Variants in EBF4 observed in about 807,000 individuals in gnomAD.
EBF4 encodes the protein transcription factor COE4.
Under a neutral mutation model 67.1 loss-of-function variants are expected in EBF4, and 34 were observed. The observed-to-expected ratio is 0.51, with a 90% CI of 0.39 to 0.67. The LOEUF (loss-of-function observed/expected upper bound fraction) is 0.67, where lower values mean the gene tolerates loss of function less well. Among genes scored for constraint, EBF4 ranks in the 30% least tolerant of loss-of-function variants. The probability of loss-of-function intolerance (pLI) is 0.00; values close to 1 mark genes in which losing one functional copy is unlikely to be tolerated. For synonymous variants in EBF4, 387 were observed against 377.7 expected (o/e 1.02, Z -0.29); for missense variants, 837 against 873.3 (o/e 0.96, Z 0.52).
At position 2,745,101 on chromosome 20, in the gene EBF4, G is replaced by A. The variant is rs546536287; in HGVS notation, c.558-3448G>A. Among the ~76,000 whole-genome samples, 55 of 152,302 alleles carry A rather than the reference G, an allele frequency of 3.6e-4. No individual in the cohort carries two copies. Among genetic ancestry groups the A allele is most frequent in the African/African-American group, 1.1e-3 (47 of 41,548 alleles). ...AGTGCGGTAGTTCTCAAACTTCAGG[G>A]TGAACCAGCATCACCTGGAGGGCGT... On this transcript the variant is annotated intron_variant, in intron 6 of 16. Transcript: ENST00000609451. The surrounding 1 kb of genome is among the most constrained non-coding windows in gnomAD (Gnocchi z 5.2).
At chr20:2,705,785 CCACACACACACACACACACACACA>C (rs71193988) in intron 2 of EBF4, 52 bp downstream of exon 2, 196 of 752,186 alleles carry the variant, frequency 2.6e-4, no homozygotes, top group African/African-American at 2.3e-3. Context: ...GAACCCCCAA[CCACACACACACACACACACACACA>C]CACACACACA....
At chr20:2,749,376 A>G (rs1373948008) in intron 7 of EBF4, 25 bp from the exon 8 acceptor site, 3 of 1,504,538 alleles carry the variant, frequency 2.0e-6, no homozygotes, top group Non-Finnish European at 2.7e-6. Flanking sequence ...GGCCCCAGCC[A>G]GGCTGGCCTC....
intron 14 of EBF4, chr20:2,754,979 C>CCCCCCCG (rs1555789843): frequency 8.1e-6 from 1 of 123,988 alleles, no homozygotes; most frequent in Admixed American, 8.1e-5. Flanking sequence ...CACCCCCCCC[C>CCCCCCCG]ACAGGGCCCA....
chr20:2,746,391 G>A (rs2088051040), intron 6 of EBF4, among the ~76,000 whole-genome samples: 1 of 152,038 alleles, frequency 6.6e-6, no homozygotes. Flanking sequence ...ACACTGTAGG[G>A]GTGCACCATT....
At chr20:2,741,831 A>G (rs1021420811) in intron 6 of EBF4, among the ~76,000 whole-genome samples, 6 of 152,212 alleles carry the variant, frequency 3.9e-5, no homozygotes, top group Admixed American at 1.3e-4. Flanking sequence ...TACAGGCAGA[A>G]TGGAATAATG....
At chr20:2,715,536 A>G (rs1053122598) in intron 6 of EBF4, among the ~76,000 whole-genome samples, 2 of 152,160 alleles carry the variant, frequency 1.3e-5, no homozygotes, top group African/African-American at 4.8e-5. Context: ...TAACAAGTTG[A>G]TGTCAACTGT....
chr20:2,757,992 A>G (rs2088271568), intron 15 of EBF4, among the ~76,000 whole-genome samples: 1 of 152,216 alleles, frequency 6.6e-6, no homozygotes, highest in South Asian at 2.1e-4. Flanking sequence ...ATACAAATAT[A>G]TGCCAAAGAT....
At chr20:2,693,236 C>T (rs2087235605), upstream of EBF4, 1 of 154,870 alleles carries the variant, frequency 6.5e-6, no homozygotes, top group African/African-American at 2.4e-5. This position sits in a 1 kb window ranked among gnomAD's most constrained non-coding sequence, Gnocchi z 4.6. Context: ...GGCCCCGCGC[C>T]CCCGCCTTGC....
chr20:2,703,595 T>G (rs757955366), intron 1 of EBF4, among the ~76,000 whole-genome samples: 2 of 151,662 alleles, frequency 1.3e-5, no homozygotes, highest in African/African-American at 4.8e-5. Context: ...AGTTAGTAGG[T>G]CGAAGCTGCA....
At chr20:2,741,563 G>A (rs753090266) in intron 6 of EBF4, among the ~76,000 whole-genome samples, 7 of 152,154 alleles carry the variant, frequency 4.6e-5, no homozygotes, top group Non-Finnish European at 8.8e-5. Flanking sequence ...TGGACAAGAC[G>A]TTTCTTTTCA....
rs566259828 is a variant in EBF4 at position 2,755,657 on chromosome 20, C to G, written c.1571C>G (p.Ala524Gly). 1.5e-4 allele frequency: 213 copies of G among 1,449,406 alleles called. No homozygotes were observed. In the East Asian group the frequency reaches 6.3e-3, roughly 43 times the overall value. 89.8% of individuals were successfully genotyped at this position (1,449,406 alleles called of 1,614,324 possible). ...CCCTCTAGCCCCCCGCTGGCGGCTGCCTCCTCCATGTCCCTCCCGGCCGCT... is the reference window on the plus strand; with the variant it reads ...CCCTCTAGCCCCCCGCTGGCGGCTGGCTCCTCCATGTCCCTCCCGGCCGCT... The change falls in exon 15 of 17, where the codon GCC (alanine) becomes GGC (glycine). Residue 524 changes from alanine to glycine, a missense_variant. Physicochemically the swap from Ala to Gly is moderately conservative, Grantham distance 60. Around this residue, in one of 3 missense-constraint regions of EBF4, gnomAD observed 525 missense variants for 496.5 expected, o/e 1.06. Coordinates refer to ENST00000609451, the Ensembl canonical transcript of EBF4. This position sits in a 1 kb window ranked among gnomAD's most constrained non-coding sequence, Gnocchi z 4.7.
At chr20:2,710,960 G>A (rs142252098) in intron 6 of EBF4, among the ~76,000 whole-genome samples, 16 of 152,000 alleles carry the variant, frequency 1.1e-4, no homozygotes, top group African/African-American at 3.6e-4. Context: ...TGGCCAACAG[G>A]GTAAAATCCC....
chr20:2,755,749 G>A lies in EBF4; in HGVS notation c.1663G>A (p.Ala555Thr), dbSNP rs369331115. The A allele has an allele frequency of 2.6e-6, 4 of 1,550,740 alleles. No individual in the cohort carries two copies. Among genetic ancestry groups the A allele is most frequent in the South Asian group, 1.2e-5 (1 of 84,056 alleles). The change falls in exon 15 of 17, where the codon GCC (alanine) becomes ACC (threonine). Residue 555 changes from alanine (A) to threonine (T), a missense_variant. Physicochemically the swap from Ala to Thr is moderately conservative, Grantham distance 58. Transcript: ENST00000609451. The surrounding 1 kb of genome is among the most constrained non-coding windows in gnomAD (Gnocchi z 4.7). The stretch of plus-strand genomic sequence containing the variant: ...GATCTCCGCCGTCAAACAGAGGAGC[G>A]CCTTCGCCCCCGTGCTGCGCCCCCC...
intron 6 of EBF4, among the ~76,000 whole-genome samples, chr20:2,717,160 G>A (rs1277822346): frequency 1.3e-5 from 2 of 151,852 alleles, no homozygotes; most frequent in Non-Finnish European, 2.9e-5. Flanking sequence ...TTTCAATAAC[G>A]GCCACAAATA....
rs188273099 is a variant in EBF4, at chr20:2,739,162, G to A, written c.558-9387G>A. Among the ~76,000 whole-genome samples the A allele has an allele frequency of 2.7e-4, 41 of 152,258 alleles. No individual in the cohort carries two copies. Among genetic ancestry groups the A allele is most frequent in the Admixed American group, 2.4e-3 (36 of 15,304 alleles). ...TCCCTTCTCTAGCGTAGGCCCTTTG[G>A]TGCCTGTTTCTGCCTGAAGGGAGAC... On this transcript the variant is annotated intron_variant, in intron 6 of 16. Transcript: ENST00000609451. The surrounding 1 kb of genome is among the most constrained non-coding windows in gnomAD (Gnocchi z 4.5).
intron 6 of EBF4, among the ~76,000 whole-genome samples, chr20:2,713,588 C>T (rs553888359): frequency 1.3e-5 from 2 of 152,134 alleles, no homozygotes; most frequent in South Asian, 4.1e-4. Context: ...TGCACAGGTG[C>T]AGGTGCAGAA....
intron 7 of EBF4, among the ~76,000 whole-genome samples, 193 bp from the exon 8 acceptor site, chr20:2,749,208 T>TG (rs1272539849): frequency 5.9e-5 from 9 of 152,176 alleles, no homozygotes; most frequent in African/African-American, 2.2e-4. Context: ...TCAGTTCATC[T>TG]GGGGGTATCA....
exon 14 of EBF4, chr20:2,752,430 C>T (rs183266304): frequency 3.1e-6 from 4 of 1,298,228 alleles, no homozygotes; most frequent in East Asian, 3.1e-5. Context: ...AGAGCGGCTA[C>T]GGCGGCGGCC....
chr20:2,693,524 C>G, upstream of EBF4: 1 of 1,213,752 alleles, frequency 8.2e-7, no homozygotes, highest in Non-Finnish European at 1.0e-6. The surrounding 1 kb of genome is among the most constrained non-coding windows in gnomAD (Gnocchi z 4.6). Flanking sequence ...ACTGAGCCAC[C>G]CGGACTCGGC....
Sources: gnomAD v4.1 joint callset for allele counts (sites outside exome capture counted in the v4.1 genomes callset) on GRCh38, gnomAD v4.1.1 for gene constraint, gnomAD v4.1.1 regional missense constraint, Gnocchi (gnomAD v3.1) non-coding constraint, MANE v1.5 for transcripts, NCBI Gene and HGNC (gene_info 2026-07-23, HGNC 2026-07-21) for gene names.